The following BMS1 variants were observed in gnomAD, a reference collection of about 807,000 sequenced individuals.
BMS1 encodes the protein ribosome biogenesis protein BMS1 homolog.
Under a neutral mutation model 138.7 loss-of-function variants are expected in BMS1, and 53 were observed. That is an observed-to-expected ratio of 0.38 (90% CI 0.31 to 0.48). The LOEUF (loss-of-function observed/expected upper bound fraction) is 0.48. BMS1 is among the 20% of genes least tolerant of loss of function. The pLI is 0.97. For missense variants in BMS1, 1,360 were observed against 1,565.5 expected (o/e 0.87, Z 2.22); for synonymous variants, 504 against 539.9 (o/e 0.93, Z 0.92).
At chr10:42,812,402 A>T (rs1389727724) in intron 13 of BMS1, among the ~76,000 whole-genome samples, 1 of 152,188 alleles carries the variant, frequency 6.6e-6, no homozygotes, top group East Asian at 1.9e-4. Context: ...TGCCTCCCAG[A>T]GTGCTGGGAT....
chr10:42,793,726 T>G, intron 8 of BMS1, 126 bp from the exon 9 acceptor site: 2 of 1,136,592 alleles, frequency 1.8e-6, no homozygotes, highest in South Asian at 1.6e-5. Context: ...CTTCTCTGCT[T>G]TTTGAGGCAT....
chr10:42,785,725 G>A (rs998697829), intron 3 of BMS1, 53 bp downstream of exon 3: 4 of 1,564,212 alleles, frequency 2.6e-6, no homozygotes, highest in African/African-American at 2.7e-5. Context: ...TCATCTGAGG[G>A]ACATGCATGC....
chr10:42,812,455 C>T (rs963737981), intron 13 of BMS1, among the ~76,000 whole-genome samples: 5 of 152,148 alleles, frequency 3.3e-5, no homozygotes, highest in African/African-American at 1.2e-4. Context: ...CTAGTTTTAA[C>T]AGTTGCTGAG....
At chr10:42,819,738 C>T (rs1024823543) in intron 15 of BMS1, among the ~76,000 whole-genome samples, 2 of 152,148 alleles carry the variant, frequency 1.3e-5, no homozygotes, top group African/African-American at 4.8e-5. Flanking sequence ...GAGAAGAAAA[C>T]GGTTGGGACA....
intron 12 of BMS1, among the ~76,000 whole-genome samples, chr10:42,799,780 C>T (rs1483505097): frequency 6.6e-6 from 1 of 152,190 alleles, no homozygotes; most frequent in African/African-American, 2.4e-5. Context: ...GTGATGCTTT[C>T]CTTTTCTTCC....
Position 42,821,008 on chromosome 10 carries a change from G to T in BMS1, c.3009+16G>T, listed in dbSNP as rs779921472. On this transcript the variant is annotated intron_variant, in intron 18 of 22. Coordinates refer to ENST00000374518, the MANE Select transcript of BMS1 (RefSeq NM_014753.4). ...TGGCATAATGGTAACTATCTTGGAT[G>T]ATTTCTTTTACAGATTGGTTTGAGA... The T allele has an allele frequency of 1.9e-6, 3 of 1,539,890 alleles. No homozygotes were observed. In the Admixed American group the frequency reaches 5.0e-5, roughly 26 times the overall value.
rs780463787 is a variant in BMS1 at position 42,785,605 on chromosome 10, A to G, written c.300A>G (p.Gln100=). ...AAGTTGGAAAGAGCACTTTGATACAATGCCTCATTCGGAACTTTACCCGGC... is the reference window on the plus strand; with the variant it reads ...AAGTTGGAAAGAGCACTTTGATACAGTGCCTCATTCGGAACTTTACCCGGC... ...PPKVGKSTLI[Q]CLIRNFTRQK... The change falls in exon 3 of 23, where the codon CAA becomes CAG. Residue 100 remains glutamine (Q), a synonymous_variant. Coordinates refer to ENST00000374518, the MANE Select transcript of BMS1 (RefSeq NM_014753.4). 4.5e-5 allele frequency: 72 copies of G among 1,613,806 alleles called. 1 individual carries two copies. In the South Asian group the frequency reaches 7.5e-4, roughly 17 times the overall value.
chr10:42,812,047 G>A (rs1290848262), intron 13 of BMS1, among the ~76,000 whole-genome samples: 1 of 152,118 alleles, frequency 6.6e-6, no homozygotes, highest in Non-Finnish European at 1.5e-5. Flanking sequence ...CTTCATCTTG[G>A]TAGATTTCTA....
intron 3 of BMS1, 131 bp downstream of exon 3, chr10:42,785,803 A>G: frequency 9.8e-7 from 1 of 1,023,568 alleles, no homozygotes; most frequent in Non-Finnish European, 1.4e-6. Context: ...TATACTTAGT[A>G]TTACTAAGTT....
intron 20 of BMS1, 78 bp downstream of exon 20, chr10:42,823,343 A>T (rs1323329971): frequency 5.4e-6 from 8 of 1,480,778 alleles, no homozygotes; most frequent in African/African-American, 2.8e-5. Flanking sequence ...GAGAGGCTGG[A>T]GTCAGGTCTC....
At chr10:42,808,270 T>TTTTATTTA (rs139357355) in intron 13 of BMS1, among the ~76,000 whole-genome samples, 1 of 147,690 alleles carries the variant, frequency 6.8e-6, no homozygotes, top group Non-Finnish European at 1.5e-5. Context: ...AGTTTTTATT[T>TTTTATTTA]TTTATTTATT....
Position 42,834,178 on chromosome 10 carries a change from A to G in BMS1, c.*3082A>G, listed in dbSNP as rs1842840688. 1 of 152,210 alleles carries G rather than the reference A, an allele frequency of 6.6e-6. No individual in the cohort carries two copies. Among genetic ancestry groups the G allele is most frequent in the African/African-American group, 2.4e-5 (1 of 41,452 alleles). 9.4% of individuals were successfully genotyped at this position (152,210 alleles called of 1,614,324 possible). Reference sequence around the variant, plus strand: ...TGTACATATCATTCCATGCCATTAAATATTCTTATTTAATCATAGATGTGT... The same window carrying G: ...TGTACATATCATTCCATGCCATTAAGTATTCTTATTTAATCATAGATGTGT... On this transcript the variant is annotated 3_prime_UTR_variant, in exon 23 of 23. Transcript: ENST00000374518.
chr10:42,816,548 A>G (rs1364705515), intron 13 of BMS1, 51 bp from the exon 14 acceptor site: 2 of 1,490,452 alleles, frequency 1.3e-6, no homozygotes, highest in East Asian at 2.3e-5. Flanking sequence ...TGGGGCCAGC[A>G]GCACATGCAT....
At chr10:42,789,460 T>C (rs1841436471) in intron 4 of BMS1, among the ~76,000 whole-genome samples, 1 of 152,248 alleles carries the variant, frequency 6.6e-6, no homozygotes, top group African/African-American at 2.4e-5. Context: ...AGAAATGTTT[T>C]TAATACTTAA....
rs1168662338 is a variant in BMS1 at position 42,784,590 on chromosome 10, G to C, written c.176+20G>C. The C allele has an allele frequency of 1.3e-6, 2 of 1,563,536 alleles. No individual in the cohort carries two copies. The highest frequency in any genetic ancestry group is 3.1e-5 in the African/African-American group (2 of 65,306). On this transcript the variant is annotated intron_variant, in intron 2 of 22. Coordinates refer to ENST00000374518, the MANE Select transcript of BMS1 (RefSeq NM_014753.4). The stretch of plus-strand genomic sequence containing the variant: ...TCACAGGTATGTTAGGCTACGGTCT[G>C]GTCATTCTTCCATTGATTCTTTTTT...
chr10:42,818,940 A>G (rs926507881), intron 15 of BMS1, among the ~76,000 whole-genome samples: 7 of 152,206 alleles, frequency 4.6e-5, no homozygotes, highest in African/African-American at 1.4e-4. Flanking sequence ...TCCTGCTGCC[A>G]TGTTAACTAC....
At position 42,792,539 on chromosome 10, in the gene BMS1, T is replaced by G. The variant is rs1841538024; in HGVS notation, c.826T>G (p.Cys276Gly). The part of the protein sequence containing the change: ...NPEDIRTNIK[C>G]DRKVSLYGYL... ...AGAGGATATCCGAACAAACATCAAA[T>G]GTGACCGGAAGGTGTCACTTTATGG... Residue 276 changes from cysteine (C) to glycine (G), a missense_variant, in exon 7 of 23, where the codon TGT becomes GGT. Around this residue, in one of 3 missense-constraint regions of BMS1, gnomAD observed 697 missense variants for 686.2 expected, o/e 1.02. Coordinates refer to ENST00000374518, the MANE Select transcript of BMS1 (RefSeq NM_014753.4). 6.2e-7 allele frequency: 1 copy of G among 1,611,666 alleles called. No individual in the cohort carries two copies. The highest frequency in any genetic ancestry group is 1.7e-5 in the Admixed American group (1 of 59,994).
At chr10:42,824,922 G>A (rs564751192) in intron 21 of BMS1, among the ~76,000 whole-genome samples, 12 of 152,254 alleles carry the variant, frequency 7.9e-5, no homozygotes, top group South Asian at 2.1e-4. Context: ...CAAGAGGTGC[G>A]ATGCCTCCAA....
chr10:42,830,221 C>G (rs1168424003), intron 21 of BMS1, 40 bp from the exon 22 acceptor site: 1 of 1,596,700 alleles, frequency 6.3e-7, no homozygotes, highest in Non-Finnish European at 8.5e-7. Flanking sequence ...GCACATTGAT[C>G]ATAATTTGAA....
Sources: gnomAD v4.1 joint callset for allele counts (sites outside exome capture counted in the v4.1 genomes callset) on GRCh38, gnomAD v4.1.1 for gene constraint, gnomAD v4.1.1 regional missense constraint, MANE v1.5 for transcripts, NCBI Gene and HGNC (gene_info 2026-07-23, HGNC 2026-07-21) for gene names.